MUC22: variants seen among roughly 807,000 people sequenced by gnomAD.
MUC22 encodes the protein mucin-22.
MUC22 carries 24 observed loss-of-function variants against 40.3 expected under a neutral mutation model. That is an observed-to-expected ratio of 0.60 (90% confidence interval 0.43 to 0.84). MUC22 has a LOEUF of 0.84. Ranked by LOEUF, MUC22 falls within the 40% of genes least tolerant of loss-of-function variation. MUC22 has a pLI of 0.00. For synonymous variants in MUC22, 765 were observed against 844.5 expected, an observed-to-expected ratio of 0.91 and a Z score of 1.63; for missense variants, 1,926 against 2,130.7, an observed-to-expected ratio of 0.90 and a Z score of 1.89.
chr6:31,030,781 C>A (rs115435966), intron 2 of MUC22, among the ~76,000 whole-genome samples: 2,371 of 152,300 alleles, frequency 0.016, 31 homozygotes, highest in South Asian at 0.043. Flanking sequence ...CACCTCCTAT[C>A]AATGTATTGA....
intron 1 of MUC22, among the ~76,000 whole-genome samples, chr6:31,015,541 C>A (rs939300688): frequency 1.3e-5 from 2 of 151,848 alleles, no homozygotes; most frequent in African/African-American, 4.8e-5. Context: ...TGTCCATAGA[C>A]CTTATACATC....
rs185475021 is a variant in MUC22 at position 31,028,630 on chromosome 6, G to T, written c.3199G>T (p.Ala1067Ser). Residue 1067 changes from alanine (A) to serine (S), a missense_variant, in exon 2 of 4, where the codon GCC becomes TCC. Ala to Ser is a moderately conservative substitution (Grantham distance 99, BLOSUM62 1). Coordinates refer to ENST00000561890, the Ensembl canonical transcript of MUC22. ...CACTGAAAACTCTGAGACCACCATA[G>T]CCTCTACCACAGCCTCTGAGACCAC... 4.6e-6 allele frequency: 7 copies of T among 1,534,764 alleles called. No homozygotes were observed. The African/African-American group carries it at 6.9e-5, about 15-fold the overall frequency.
At chr6:31,027,326 G>A (rs568882292) in exon 2 of MUC22, 6 of 1,530,306 alleles carry the variant, frequency 3.9e-6, no homozygotes, top group Non-Finnish European at 5.2e-6. Flanking sequence ...TCTACTGAAG[G>A]CTCTGAGACC....
chr6:31,030,706 G>A (rs1766001353), intron 2 of MUC22, among the ~76,000 whole-genome samples: 2 of 152,020 alleles, frequency 1.3e-5, no homozygotes, highest in South Asian at 4.1e-4. Flanking sequence ...TCACAGTTTT[G>A]TGAAATGCTC....
Position 31,028,061 on chromosome 6 carries a change from C to T in MUC22, c.2630C>T (p.Thr877Ile). The T allele has an allele frequency of 2.0e-6, 3 of 1,534,670 alleles. 1 individual carries two copies. Among genetic ancestry groups the T allele is most frequent in the East Asian group, 4.9e-5 (2 of 40,688 alleles). The stretch of plus-strand genomic sequence containing the variant: ...TCTACTACAGGCTCTGAGACCACCA[C>T]AGCCTCTACTACAAGCTCTGAGACC... The change falls in exon 2 of 4, where the codon ACA becomes ATA. Residue 877 changes from threonine (T) to isoleucine (I), a missense_variant. Thr to Ile is a moderately conservative substitution (Grantham distance 89, BLOSUM62 -1). Transcript: ENST00000561890.
exon 4 of MUC22, chr6:31,034,722 C>G: frequency 6.5e-7 from 1 of 1,535,560 alleles, no homozygotes; most frequent in Non-Finnish European, 8.7e-7. Flanking sequence ...ACCCCCATGG[C>G]CACAGCCACA....
At chr6:31,020,531 G>A (rs942238555) in intron 1 of MUC22, among the ~76,000 whole-genome samples, 1 of 145,788 alleles carries the variant, frequency 6.9e-6, no homozygotes, top group Admixed American at 7.2e-5. Flanking sequence ...TGCAACCTCT[G>A]CCTCCCGGTG....
intron 1 of MUC22, among the ~76,000 whole-genome samples, chr6:31,016,802 C>G (rs568258653): frequency 6.6e-6 from 1 of 152,204 alleles, no homozygotes; most frequent in East Asian, 1.9e-4. Context: ...GGGAGAGGCA[C>G]GGGCGGGAAC....
chr6:31,034,562 TG>T, intron 3 of MUC22, 109 bp from the exon 4 acceptor site: 1 of 843,798 alleles, frequency 1.2e-6, no homozygotes. Context: ...GAAGAGAACA[TG>T]GGCAGTTTGG....
chr6:31,027,704 C>T, exon 2 of MUC22: 1 of 1,532,640 alleles, frequency 6.5e-7, no homozygotes, highest in Non-Finnish European at 8.7e-7. Context: ...ACCACCACAG[C>T]CTCTACTGAA....
rs1763793507 is a variant in MUC22, at chr6:31,010,533, T to C, written c.-174T>C. ...GCAATTTGGGGGCTCCCCCCAACCA[T>C]GCCATCTGCCTACAAGGCTTACCCT... On this transcript the variant is annotated 5_prime_UTR_variant, in exon 1 of 4. An upstream start codon of the reference 5' UTR is lost. Transcript: ENST00000561890. 1.8e-6 allele frequency: 1 copy of C among 567,404 alleles called. No individual in the cohort carries two copies. Among genetic ancestry groups the C allele is most frequent in the Admixed American group, 3.0e-5 (1 of 33,320 alleles). 35.1% of individuals were successfully genotyped at this position (567,404 alleles called of 1,614,324 possible). A position where few individuals can be genotyped will look rare whatever the true frequency, so the allele number is the denominator to read the frequency against.
exon 2 of MUC22, chr6:31,029,902 A>G (rs780168749): frequency 2.6e-6 from 4 of 1,519,910 alleles, no homozygotes; most frequent in East Asian, 2.5e-5. Flanking sequence ...TGCCTTCATC[A>G]TAGGCTCTGA....
chr6:31,023,098 C>T (rs942867346), intron 1 of MUC22, among the ~76,000 whole-genome samples: 1 of 151,472 alleles, frequency 6.6e-6, no homozygotes, highest in Non-Finnish European at 1.5e-5. Flanking sequence ...TCACTGCACT[C>T]CAGCCTGAGT....
chr6:31,027,647 C>T, exon 2 of MUC22: 1 of 1,530,438 alleles, frequency 6.5e-7, no homozygotes, highest in Non-Finnish European at 8.7e-7. Context: ...ACCACAGCCT[C>T]TAATACAGGC....
exon 2 of MUC22, chr6:31,025,905 C>T: frequency 6.5e-7 from 1 of 1,535,592 alleles, no homozygotes; most frequent in South Asian, 1.2e-5. Flanking sequence ...CCAGCACAAC[C>T]TCCACTGCAG....
At chr6:31,028,461 A>G (rs1233079907) in exon 2 of MUC22, 1 of 1,533,748 alleles carries the variant, frequency 6.5e-7, no homozygotes, top group Non-Finnish European at 8.7e-7. Context: ...CCTCTACTAC[A>G]GGCTCTGAGA....
At chr6:31,022,119 CGAACACATCT>C (rs1562592179) in intron 1 of MUC22, among the ~76,000 whole-genome samples, 2 of 152,036 alleles carry the variant, frequency 1.3e-5, no homozygotes, top group African/African-American at 4.8e-5. Context: ...GAAGAAACTC[CGAACACATCT>C]GAACATCAGA....
intron 1 of MUC22, among the ~76,000 whole-genome samples, chr6:31,019,706 T>C (rs57915499): frequency 0.12 from 18,170 of 152,070 alleles, 1,257 homozygotes; most frequent in African/African-American, 0.17. Flanking sequence ...ATACAAAAAT[T>C]AGCTGGGTGT....
Position 31,011,096 on chromosome 6 carries a change from G to GT in MUC22, c.70+331dup, listed in dbSNP as rs74814630. Reference sequence around the variant, plus strand: ...ACTTTCCTTTGTATCTTGGATAAAAGTTTTTTTTTTTAACCGGAAAACTCT... The same window carrying GT: ...ACTTTCCTTTGTATCTTGGATAAAAGTTTTTTTTTTTTAACCGGAAAACTCT... On this transcript the variant is annotated intron_variant, in intron 1 of 3. Transcript: ENST00000561890. This position sits in a 1 kb window ranked among gnomAD's most constrained non-coding sequence, Gnocchi z 4.5. Among the ~76,000 whole-genome samples, 15 of 148,936 alleles carry GT rather than the reference G, an allele frequency of 1.0e-4. No individual in the cohort carries two copies. Among genetic ancestry groups the GT allele is most frequent in the Middle Eastern group, 3.4e-3 (1 of 290 alleles).
Sources: allele counts gnomAD v4.1 joint callset (sites outside exome capture counted in the v4.1 genomes callset), GRCh38; gene constraint gnomAD v4.1.1; non-coding constraint Gnocchi (gnomAD v3.1); transcripts MANE v1.5; gene names NCBI Gene and HGNC (gene_info 2026-07-23, HGNC 2026-07-21).